Variants in CELF4 observed in about 807,000 individuals in gnomAD.
The protein encoded by CELF4 is CUG-BP- and ETR-3-like factor 4.
A neutral mutation model predicts 59.9 loss-of-function variants in CELF4; 18 were observed. The ratio of observed to expected loss-of-function variants is 0.30; its 90% CI spans 0.21 to 0.45. The LOEUF (loss-of-function observed/expected upper bound fraction) is 0.45, where lower values mean the gene tolerates loss of function less well. CELF4 is among the 20% of genes least tolerant of loss of function. The probability of loss-of-function intolerance (pLI) is 1.00; values close to 1 mark genes in which losing one functional copy is unlikely to be tolerated. For synonymous variants in CELF4, 261 were observed against 267.1 expected (o/e 0.98, Z 0.22); for missense variants, 456 against 689.0 (o/e 0.66, Z 3.79).
In CELF4 at chr18:37,273,117, C is replaced by A; in HGVS notation, c.848G>T (p.Gly283Val). 2.5e-6 allele frequency: 4 copies of A among 1,613,534 alleles called. No individual in the cohort carries two copies. The highest frequency in any genetic ancestry group is 3.4e-6 in the Non-Finnish European group (4 of 1,179,840). Residue 283 changes from glycine to valine, a missense_variant, in exon 7 of 13, where the codon GGC becomes GTC. Around this residue, in one of 7 missense-constraint regions of CELF4, gnomAD observed 256 missense variants for 340.8 expected, o/e 0.75. Transcript: ENST00000420428. ...GAAGGCAGCCATGGGGTTCAGGTAGCCGCCCTGCGCGACTGATGCCATCAG... is the reference window on the plus strand; with the variant it reads ...GAAGGCAGCCATGGGGTTCAGGTAGACGCCCTGCGCGACTGATGCCATCAG... ...AALMASVAQG[G>V]YLNPMAAFAA... is the part of the protein sequence containing the mutation.
intron 2 of CELF4, among the ~76,000 whole-genome samples, chr18:37,457,423 C>A (rs145052713): frequency 4.6e-5 from 7 of 152,284 alleles, no homozygotes; most frequent in African/African-American, 1.7e-4. Context: ...AAGAGTGCCG[C>A]TGGGCATCTG....
chr18:37,318,835 C>T (rs1345980581), intron 3 of CELF4, among the ~76,000 whole-genome samples: 1 of 152,194 alleles, frequency 6.6e-6, no homozygotes, highest in Non-Finnish European at 1.5e-5. Flanking sequence ...GAGGGGATTC[C>T]AGACATCCCT....
chr18:37,424,215 G>A (rs775356740), intron 2 of CELF4, among the ~76,000 whole-genome samples: 7 of 152,190 alleles, frequency 4.6e-5, no homozygotes, highest in East Asian at 1.9e-4. Flanking sequence ...AGAGGCTCTT[G>A]ACTTTATCCC....
chr18:37,263,150 A>T (rs1417690408), intron 10 of CELF4, among the ~76,000 whole-genome samples: 1 of 151,746 alleles, frequency 6.6e-6, no homozygotes, highest in Non-Finnish European at 1.5e-5. Context: ...AACGCTCCCC[A>T]CTCTCCTCAC....
chr18:37,315,837 G>A (rs72883686), intron 3 of CELF4, among the ~76,000 whole-genome samples: 8,848 of 152,238 alleles, frequency 0.058, 320 homozygotes, highest in Middle Eastern at 0.11. Flanking sequence ...GATCCTCTTC[G>A]GCCCACTAAG....
chr18:37,274,723 T>A, intron 5 of CELF4, 82 bp downstream of exon 5: 1 of 1,521,076 alleles, frequency 6.6e-7, no homozygotes, highest in Non-Finnish European at 8.8e-7. Flanking sequence ...TTGGGGAGAC[T>A]GGACAGCCGG....
chr18:37,507,908 G>T (rs1022693188), intron 1 of CELF4, among the ~76,000 whole-genome samples: 2 of 151,928 alleles, frequency 1.3e-5, no homozygotes, highest in Non-Finnish European at 2.9e-5. Flanking sequence ...CAGCACCCCC[G>T]AGCCAGAAAC....
chr18:37,408,594 T>C (rs934944078), intron 2 of CELF4, among the ~76,000 whole-genome samples: 16 of 151,858 alleles, frequency 1.1e-4, no homozygotes, highest in Admixed American at 5.3e-4. Flanking sequence ...TTTATGATTC[T>C]TCCCGTTTCC....
intron 2 of CELF4, among the ~76,000 whole-genome samples, chr18:37,350,866 A>G (rs1455231659): frequency 1.3e-5 from 2 of 152,014 alleles, no homozygotes; most frequent in African/African-American, 4.8e-5. Flanking sequence ...CACCAAGAGG[A>G]GAGGGCATGG....
intron 2 of CELF4, among the ~76,000 whole-genome samples, chr18:37,372,400 A>G (rs1333740998): frequency 6.6e-6 from 1 of 152,212 alleles, no homozygotes; most frequent in African/African-American, 2.4e-5. Context: ...CAAACACCGT[A>G]TGTTCTCACT....
rs1185344917 is a variant in CELF4, at chr18:37,324,935, A to AC, written c.370-3055dup. ...TATCAAGATGAACCCAGGACTCCTGACATCTGCCTACTCATTTAAGAGATG... is the reference window on the plus strand; with the variant it reads ...TATCAAGATGAACCCAGGACTCCTGACCATCTGCCTACTCATTTAAGAGATG... On this transcript the variant is annotated intron_variant, in intron 2 of 12. Coordinates refer to ENST00000420428, the MANE Select transcript of CELF4 (RefSeq NM_020180.4). Among the ~76,000 whole-genome samples the AC allele has an allele frequency of 7.9e-5, 12 of 152,326 alleles. No individual in the cohort carries two copies. In the East Asian group the frequency reaches 9.7e-4, roughly 12 times the overall value.
intron 2 of CELF4, among the ~76,000 whole-genome samples, chr18:37,468,714 T>G (rs985888895): frequency 6.6e-6 from 1 of 152,052 alleles, no homozygotes; most frequent in Non-Finnish European, 1.5e-5. Flanking sequence ...TCAGGAAACT[T>G]ACAATCATGG....
chr18:37,252,695 G>T (rs1051544283), intron 12 of CELF4, among the ~76,000 whole-genome samples: 1 of 147,264 alleles, frequency 6.8e-6, no homozygotes, highest in Non-Finnish European at 1.5e-5. Context: ...CTGACCATGT[G>T]GTTTAACTGT....
At chr18:37,252,961 G>A (rs2066483197) in intron 12 of CELF4, among the ~76,000 whole-genome samples, 3 of 152,028 alleles carry the variant, frequency 2.0e-5, no homozygotes, top group Non-Finnish European at 4.4e-5. Context: ...AAGAGCCACA[G>A]CACTGGGGGA....
chr18:37,565,711 G>GCT lies in CELF4; in HGVS notation c.-72_-71dup. 4.2e-6 allele frequency: 2 copies of GCT among 470,874 alleles called. No homozygotes were observed. The highest frequency in any genetic ancestry group is 7.2e-6 in the Non-Finnish European group (2 of 276,314). 29.2% of individuals were successfully genotyped at this position (470,874 alleles called of 1,614,324 possible). A position where few individuals can be genotyped will look rare whatever the true frequency, so the allele number is the denominator to read the frequency against. On this transcript the variant is annotated 5_prime_UTR_variant, in exon 1 of 13. Transcript: ENST00000420428. ...TCGCTCCTCTCTCTCGCTCGCTCGC[G>GCT]CTCACACACGCACACGCATACACAC...
At chr18:37,463,610 T>C (rs2099799731) in intron 2 of CELF4, among the ~76,000 whole-genome samples, 1 of 152,188 alleles carries the variant, frequency 6.6e-6, no homozygotes, top group Non-Finnish European at 1.5e-5. Context: ...TGTTCCCTCC[T>C]GGACCCTACG....
rs1403256003 is a variant in CELF4 at position 37,246,825 on chromosome 18, A to C, written c.*45-1628T>G. On this transcript the variant is annotated intron_variant, in intron 12 of 12. Coordinates refer to ENST00000420428, the MANE Select transcript of CELF4 (RefSeq NM_020180.4). The surrounding 1 kb of genome is among the most constrained non-coding windows in gnomAD (Gnocchi z 5.3). ...ATGATCCCATGTTTGATAATTCAGG[A>C]ATTCATCTTTATTTTGACTATTTTT... 6.6e-6 allele frequency: 1 copy of C among 152,202 alleles called. No homozygotes were observed. The highest frequency in any genetic ancestry group is 1.5e-5 in the Non-Finnish European group (1 of 68,040). The allele number at this position is 152,202 out of a possible 1,614,324, so 9.4% of individuals were successfully genotyped here. A position where few individuals can be genotyped will look rare whatever the true frequency, so the allele number is the denominator to read the frequency against.
intron 1 of CELF4, among the ~76,000 whole-genome samples, chr18:37,541,237 C>T (rs570534840): frequency 6.6e-6 from 1 of 152,206 alleles, no homozygotes; most frequent in East Asian, 1.9e-4. Flanking sequence ...TAACAGGCCT[C>T]CCGCTCTCAG....
At chr18:37,408,495 G>T (rs1275502985) in intron 2 of CELF4, among the ~76,000 whole-genome samples, 14 of 122,222 alleles carry the variant, frequency 1.1e-4, no homozygotes, top group East Asian at 8.9e-4. Context: ...TTGGTGCCGG[G>T]GGGGGGCGCG....
Sources: gnomAD v4.1 joint callset for allele counts (sites outside exome capture counted in the v4.1 genomes callset) on GRCh38, gnomAD v4.1.1 for gene constraint, gnomAD v4.1.1 regional missense constraint, Gnocchi (gnomAD v3.1) non-coding constraint, MANE v1.5 for transcripts, NCBI Gene and HGNC (gene_info 2026-07-23, HGNC 2026-07-21) for gene names.